The following SGPP1 variants were observed in gnomAD, a reference collection of about 807,000 sequenced individuals.
The protein encoded by SGPP1 is hSPP1.
Under a neutral mutation model 33.0 loss-of-function variants are expected in SGPP1, and 21 were observed. The observed-to-expected ratio is 0.64, with a 90% CI of 0.45 to 0.92. The LOEUF (loss-of-function observed/expected upper bound fraction) is 0.92. SGPP1 is among the 40% of genes least tolerant of loss of function. The pLI, the probability that SGPP1 is intolerant of heterozygous loss-of-function variation, is 0.00. For synonymous variants in SGPP1, 239 were observed against 241.2 expected (o/e 0.99, Z 0.08); for missense variants, 543 against 589.4 (o/e 0.92, Z 0.81).
At chr14:63,694,536 T>C (rs1885152402) in intron 2 of SGPP1, among the ~76,000 whole-genome samples, 1 of 152,170 alleles carries the variant, frequency 6.6e-6, no homozygotes. Flanking sequence ...TCTGCTTCCT[T>C]TTCTGTTTGA....
rs1376299084 is a variant in SGPP1 at position 63,684,950 on chromosome 14, CA to C, written c.*1154del. On this transcript the variant is annotated 3_prime_UTR_variant, in exon 3 of 3. Coordinates refer to ENST00000247225, the MANE Select transcript of SGPP1 (RefSeq NM_030791.4). ...TAACGGTGCTAAATCCAATCCTTTC[CA>C]AATTATTTAGAAAAATGCTTTGTTT... 1 of 152,138 alleles carries C rather than the reference CA, an allele frequency of 6.6e-6. No homozygotes were observed. The highest frequency in any genetic ancestry group is 2.4e-5 in the African/African-American group (1 of 41,420). 9.4% of individuals were successfully genotyped at this position (152,138 alleles called of 1,614,324 possible).
intron 1 of SGPP1, among the ~76,000 whole-genome samples, chr14:63,724,881 TAAAA>T (rs60279403): frequency 8.1e-6 from 1 of 123,894 alleles, no homozygotes; most frequent in African/African-American, 3.0e-5. Flanking sequence ...GACTCCGTCT[TAAAA>T]AAAAAAAAGG....
intron 1 of SGPP1, among the ~76,000 whole-genome samples, chr14:63,704,865 C>T (rs1343295806): frequency 3.3e-5 from 5 of 152,114 alleles, no homozygotes; most frequent in African/African-American, 1.2e-4. Context: ...GCGGCTCAGG[C>T]CTGTAATCTC....
Position 63,727,757 on chromosome 14 carries a change from G to A in SGPP1, c.188C>T (p.Pro63Leu), listed in dbSNP as rs769724041. ...PRLRGRQPGA[P>L]GGPQPPGSDR... is the part of the protein sequence containing the mutation. Reference sequence around the variant, plus strand: ...GCTCCCGGGAGGCTGGGGGCCTCCAGGCGCCCCTGGCTGCCGCCCTCGCAG... The same window carrying A: ...GCTCCCGGGAGGCTGGGGGCCTCCAAGCGCCCCTGGCTGCCGCCCTCGCAG... Residue 63 changes from proline to leucine, a missense_variant, in exon 1 of 3, where the codon CCT becomes CTT. Pro to Leu is a moderately conservative substitution (Grantham distance 98). Coordinates refer to ENST00000247225, the MANE Select transcript of SGPP1 (RefSeq NM_030791.4). 2 of 1,487,348 alleles carry A rather than the reference G, an allele frequency of 1.3e-6. No homozygotes were observed. Among genetic ancestry groups the A allele is most frequent in the African/African-American group, 1.5e-5 (1 of 68,368 alleles). The allele number at this position is 1,487,348 out of a possible 1,614,324, so 92.1% of individuals were successfully genotyped here. A position where few individuals can be genotyped will look rare whatever the true frequency, so the allele number is the denominator to read the frequency against.
rs1885612198 is a variant in SGPP1 at position 63,715,826 on chromosome 14, C to T, written c.684+11435G>A. Among the ~76,000 whole-genome samples the T allele has an allele frequency of 2.0e-5, 3 of 152,134 alleles. No individual in the cohort carries two copies. The South Asian group carries it at 6.2e-4, about 32-fold the overall frequency. Reference sequence around the variant, plus strand: ...GAAATCCACCAGACTGTAGAAAAAACCACTGTGGAGAGGAGCAGGCCAAAC... The same window carrying T: ...GAAATCCACCAGACTGTAGAAAAAATCACTGTGGAGAGGAGCAGGCCAAAC... On this transcript the variant is annotated intron_variant, in intron 1 of 2. Transcript: ENST00000247225.
At chr14:63,716,432 T>C (rs1240529084) in intron 1 of SGPP1, among the ~76,000 whole-genome samples, 3 of 151,878 alleles carry the variant, frequency 2.0e-5, no homozygotes, top group African/African-American at 7.3e-5. Flanking sequence ...GGGTGGAGGT[T>C]GCAGTGAGCC....
intron 1 of SGPP1, among the ~76,000 whole-genome samples, chr14:63,700,370 G>C (rs1885271821): frequency 6.6e-6 from 1 of 152,014 alleles, no homozygotes; most frequent in Non-Finnish European, 1.5e-5. Flanking sequence ...ACCCACACTT[G>C]TTCCTCCTCT....
chr14:63,701,771 A>T (rs1885304027), intron 1 of SGPP1, among the ~76,000 whole-genome samples: 1 of 152,108 alleles, frequency 6.6e-6, no homozygotes, highest in Non-Finnish European at 1.5e-5. Flanking sequence ...ATTTTAAGAG[A>T]GTAAGGCAAA....
At chr14:63,691,304 G>A (rs1885090684) in intron 2 of SGPP1, among the ~76,000 whole-genome samples, 1 of 152,130 alleles carries the variant, frequency 6.6e-6, no homozygotes, top group Non-Finnish European at 1.5e-5. Context: ...CTCTTAGAAG[G>A]ACATATAAAG....
chr14:63,726,453 A>G (rs1048489073), intron 1 of SGPP1, among the ~76,000 whole-genome samples: 1 of 152,208 alleles, frequency 6.6e-6, no homozygotes, highest in Non-Finnish European at 1.5e-5. Context: ...GTTAAAAAAA[A>G]AAAAAATTTT....
rs539584855 is a variant in SGPP1, at chr14:63,704,909, T to C, written c.685-6251A>G. Among the ~76,000 whole-genome samples the C allele has an allele frequency of 3.1e-4, 47 of 152,204 alleles. 1 individual carries two copies. Among genetic ancestry groups the C allele is most frequent in the Middle Eastern group, 6.8e-3 (2 of 294 alleles). ...GGGAAGCCTAGGCAGGAAGATCACT[T>C]GAGGTCAGGAATTTGAGACCAGCCT... On this transcript the variant is annotated intron_variant, in intron 1 of 2. Coordinates refer to ENST00000247225, the MANE Select transcript of SGPP1 (RefSeq NM_030791.4).
At position 63,727,428 on chromosome 14, in the gene SGPP1, G is replaced by A; in HGVS notation, c.517C>T (p.Leu173=). ...LVVIWVLVMY[L]GQCTKDIIRW... ...ATGATGTCCTTGGTGCACTGGCCCA[G>A]GTACATGACCAGCACCCAGATGACC... Residue 173 remains leucine, a synonymous_variant, in exon 1 of 3, where the codon CTG becomes TTG. Transcript: ENST00000247225. The A allele has an allele frequency of 1.2e-6, 2 of 1,614,130 alleles. No homozygotes were observed. The highest frequency in any genetic ancestry group is 1.7e-6 in the Non-Finnish European group (2 of 1,180,024).
rs1368400459 is a variant in SGPP1, at chr14:63,727,984, C to A, written c.-40G>T. The A allele has an allele frequency of 2.7e-6, 4 of 1,506,782 alleles. No homozygotes were observed. The East Asian group carries it at 1.1e-4, about 41-fold the overall frequency. The allele number at this position is 1,506,782 out of a possible 1,614,324, so 93.3% of individuals were successfully genotyped here. ...CGGGAAGGCGGGCCGGCCTCCGGCG[C>A]AGCCCCGAACTGTCCCCGCGCTCCT... On this transcript the variant is annotated 5_prime_UTR_variant, in exon 1 of 3. Transcript: ENST00000247225.
intron 2 of SGPP1, among the ~76,000 whole-genome samples, chr14:63,689,924 C>T (rs1024029163): frequency 5.9e-5 from 9 of 152,138 alleles, no homozygotes; most frequent in Non-Finnish European, 1.2e-4. Flanking sequence ...ATGTAGTTAT[C>T]GGTCATTCAC....
At chr14:63,726,675 G>A (rs555855932) in intron 1 of SGPP1, among the ~76,000 whole-genome samples, 40 of 152,252 alleles carry the variant, frequency 2.6e-4, no homozygotes, top group African/African-American at 9.4e-4. Context: ...CAGCAAAGTA[G>A]CAACCACACC....
At chr14:63,711,180 A>G (rs1224178438) in intron 1 of SGPP1, among the ~76,000 whole-genome samples, 1 of 151,752 alleles carries the variant, frequency 6.6e-6, no homozygotes. Flanking sequence ...CGCCCAGCTA[A>G]TTTTTTGTAA....
intron 2 of SGPP1, among the ~76,000 whole-genome samples, chr14:63,688,720 T>C (rs188820432): frequency 7.0e-6 from 1 of 142,988 alleles, no homozygotes; most frequent in Non-Finnish European, 1.5e-5. Flanking sequence ...ATTTCTTTTT[T>C]TTTTCTTTTT....
chr14:63,687,252 G>A (rs1037092109), intron 2 of SGPP1, among the ~76,000 whole-genome samples: 1 of 151,972 alleles, frequency 6.6e-6, no homozygotes, highest in Admixed American at 6.6e-5. Context: ...ACCAGCCTGG[G>A]TAACATAGTG....
At chr14:63,693,994 A>T (rs985830454) in intron 2 of SGPP1, among the ~76,000 whole-genome samples, 1 of 152,168 alleles carries the variant, frequency 6.6e-6, no homozygotes, top group Non-Finnish European at 1.5e-5. Context: ...AAAGTGAAAA[A>T]ACTGGCCAGG....
Sources: gnomAD v4.1 joint callset for allele counts (sites outside exome capture counted in the v4.1 genomes callset) on GRCh38, gnomAD v4.1.1 for gene constraint, MANE v1.5 for transcripts, NCBI Gene and HGNC (gene_info 2026-07-23, HGNC 2026-07-21) for gene names.